CPNE8: variants seen among roughly 807,000 people sequenced by gnomAD.
CPNE8 encodes copine-8.
A neutral mutation model predicts 81.5 loss-of-function variants in CPNE8; 45 were observed. The ratio of observed to expected loss-of-function variants is 0.55; its 90% confidence interval spans 0.44 to 0.71. The LOEUF (loss-of-function observed/expected upper bound fraction) is 0.71. Among genes scored for constraint, CPNE8 ranks in the 30% least tolerant of loss-of-function variants. CPNE8 has a pLI of 0.00. For synonymous variants in CPNE8, 252 were observed against 226.3 expected (o/e 1.11, Z -1.02); for missense variants, 594 against 672.1 (o/e 0.88, Z 1.28).
At chr12:38,663,332 A>T (rs1938999109) in intron 19 of CPNE8, among the ~76,000 whole-genome samples, 1 of 152,076 alleles carries the variant, frequency 6.6e-6, no homozygotes. Context: ...ATCTGATTTT[A>T]AAATGGACAA....
intron 6 of CPNE8, among the ~76,000 whole-genome samples, chr12:38,829,140 C>T (rs1943245569): frequency 6.6e-6 from 1 of 152,102 alleles, no homozygotes; most frequent in Admixed American, 6.6e-5. Context: ...AGAAAAACAA[C>T]ACATTTCCTT....
intron 6 of CPNE8, among the ~76,000 whole-genome samples, chr12:38,815,964 C>T (rs1943017109): frequency 6.6e-6 from 1 of 152,096 alleles, no homozygotes; most frequent in Non-Finnish European, 1.5e-5. Context: ...CTCTTACATA[C>T]CACATATGTC....
chr12:38,865,318 C>T (rs1039342462), intron 3 of CPNE8, among the ~76,000 whole-genome samples: 9 of 151,980 alleles, frequency 5.9e-5, no homozygotes, highest in Non-Finnish European at 1.2e-4. Context: ...AATGTAAGAC[C>T]CAAAAGATAT....
intron 13 of CPNE8, among the ~76,000 whole-genome samples, chr12:38,704,819 T>G (rs1940049844): frequency 8.9e-6 from 1 of 112,026 alleles, no homozygotes; most frequent in African/African-American, 3.1e-5. Flanking sequence ...TGTGTGTGTA[T>G]GTATGTGTAT....
intron 14 of CPNE8, among the ~76,000 whole-genome samples, chr12:38,695,935 T>C (rs1377134087): frequency 6.6e-6 from 1 of 152,066 alleles, no homozygotes; most frequent in Non-Finnish European, 1.5e-5. Flanking sequence ...AGCAAGACCC[T>C]GTCTCAAAAA....
At chr12:38,684,236 G>C (rs1466567216) in intron 16 of CPNE8, among the ~76,000 whole-genome samples, 1 of 152,094 alleles carries the variant, frequency 6.6e-6, no homozygotes, top group Non-Finnish European at 1.5e-5. Context: ...GCTAGGATAT[G>C]TTTTTCAGAT....
chr12:38,724,119 G>A (rs1393459253), intron 12 of CPNE8, among the ~76,000 whole-genome samples: 1 of 152,072 alleles, frequency 6.6e-6, no homozygotes, highest in African/African-American at 2.4e-5. Context: ...TAGATAAAAG[G>A]AAAGATGAAA....
chr12:38,749,199 T>C (rs958216395), intron 10 of CPNE8, among the ~76,000 whole-genome samples: 1 of 152,186 alleles, frequency 6.6e-6, no homozygotes, highest in Non-Finnish European at 1.5e-5. Flanking sequence ...AAGTTACCTC[T>C]TTGCCTGCTG....
chr12:38,866,009 A>T (rs545364803), intron 3 of CPNE8, among the ~76,000 whole-genome samples: 2 of 152,352 alleles, frequency 1.3e-5, no homozygotes, highest in South Asian at 4.1e-4. Context: ...GAACAGAAAG[A>T]TTCCAATGCC....
chr12:38,665,456 A>G (rs1024106026), intron 19 of CPNE8, among the ~76,000 whole-genome samples: 2 of 152,118 alleles, frequency 1.3e-5, no homozygotes, highest in African/African-American at 2.4e-5. Context: ...GTGTAGGGAA[A>G]ATGTTCCACA....
At chr12:38,808,559 C>G (rs1246867212) in intron 6 of CPNE8, among the ~76,000 whole-genome samples, 1 of 131,978 alleles carries the variant, frequency 7.6e-6, no homozygotes, top group African/African-American at 2.9e-5. Flanking sequence ...ACAATGAGAA[C>G]ACATGGACAC....
At chr12:38,779,195 C>G (rs1941995342) in intron 6 of CPNE8, among the ~76,000 whole-genome samples, 1 of 152,200 alleles carries the variant, frequency 6.6e-6, no homozygotes, top group Admixed American at 6.5e-5. Flanking sequence ...TTTATAAATG[C>G]TCAGATAACA....
chr12:38,901,120 C>T (rs1225422467), intron 1 of CPNE8, among the ~76,000 whole-genome samples: 1 of 152,104 alleles, frequency 6.6e-6, no homozygotes, highest in East Asian at 1.9e-4. Context: ...ACTCGAGAGG[C>T]TGAGGAAGGA....
intron 11 of CPNE8, among the ~76,000 whole-genome samples, chr12:38,726,105 AGGCCTGTACTAGGCTGT>A (rs1940689935): frequency 6.6e-6 from 1 of 152,104 alleles, no homozygotes; most frequent in East Asian, 1.9e-4. Context: ...AAAAGTCCAC[AGGCCTGTACTAGGCTGT>A]GTCCTGAGGG....
At chr12:38,903,415 G>T (rs887794695) in intron 1 of CPNE8, among the ~76,000 whole-genome samples, 3 of 152,094 alleles carry the variant, frequency 2.0e-5, no homozygotes, top group Admixed American at 1.3e-4. Context: ...GGGATTTGCA[G>T]GTTCTGAGGC....
At chr12:38,899,429 C>T (rs1335236960) in intron 1 of CPNE8, among the ~76,000 whole-genome samples, 1 of 152,168 alleles carries the variant, frequency 6.6e-6, no homozygotes, top group Non-Finnish European at 1.5e-5. Flanking sequence ...ACCCTGATCG[C>T]AGACATCCAT....
chr12:38,816,467 T>G (rs1943025467), intron 6 of CPNE8, among the ~76,000 whole-genome samples: 1 of 152,190 alleles, frequency 6.6e-6, no homozygotes, highest in South Asian at 2.1e-4. Context: ...GGACTCCCTG[T>G]GTCATAGTAT....
At chr12:38,750,769 A>G (rs990699542) in intron 10 of CPNE8, among the ~76,000 whole-genome samples, 1 of 152,170 alleles carries the variant, frequency 6.6e-6, no homozygotes, top group Admixed American at 6.5e-5. Flanking sequence ...CTCAGATGAC[A>G]CTTTGGACTG....
At position 38,653,705 on chromosome 12, in the gene CPNE8, C is replaced by A; in HGVS notation, c.*177G>T. 2 of 845,768 alleles carry A rather than the reference C, an allele frequency of 2.4e-6. No homozygotes were observed. The highest frequency in any genetic ancestry group is 3.2e-6 in the Non-Finnish European group (2 of 618,204). 52.4% of individuals were successfully genotyped at this position (845,768 alleles called of 1,614,324 possible). ...ATTTTTTCTGTTGCTCATGCAACAA[C>A]CATATTTACAGTTTTGGTTTAGGAA... On this transcript the variant is annotated 3_prime_UTR_variant, in exon 20 of 20. Transcript: ENST00000331366.
Sources: gnomAD v4.1 joint callset for allele counts (sites outside exome capture counted in the v4.1 genomes callset) on GRCh38, gnomAD v4.1.1 for gene constraint, MANE v1.5 for transcripts, NCBI Gene and HGNC (gene_info 2026-07-23, HGNC 2026-07-21) for gene names.